Variants in PAN2 observed in about 807,000 individuals in gnomAD.
PAN2 encodes the protein poly(A) specific ribonuclease subunit PAN2, also known as PAN2-PAN3 deadenylation complex catalytic subunit PAN2.
PAN2 carries 68 observed loss-of-function variants against 133.3 expected under a neutral mutation model. That is an observed-to-expected ratio of 0.51 (90% confidence interval 0.42 to 0.62). PAN2 has a LOEUF of 0.62. Among genes scored for constraint, PAN2 ranks in the 20% least tolerant of loss-of-function variants. The probability of loss-of-function intolerance (pLI) is 0.00; values close to 1 mark genes in which losing one functional copy is unlikely to be tolerated. For synonymous variants in PAN2, 462 were observed against 544.6 expected (o/e 0.85, Z 2.11); for missense variants, 1,042 against 1,500.5 (o/e 0.69, Z 5.05).
At chr12:56,327,066 A>C in intron 6 of PAN2, 107 bp from the exon 7 acceptor site, 1 of 944,108 alleles carries the variant, frequency 1.1e-6, no homozygotes, top group Non-Finnish European at 1.6e-6. Flanking sequence ...TGGGCCCCAA[A>C]TCCATGCCTA....
intron 5 of PAN2, 38 bp from the exon 6 acceptor site, chr12:56,327,669 A>G: frequency 6.2e-7 from 1 of 1,605,928 alleles, no homozygotes; most frequent in Non-Finnish European, 8.5e-7. Flanking sequence ...AAATTCTGTT[A>G]TCAGGAAAAA....
At chr12:56,332,789 C>T (rs1876066809) in intron 2 of PAN2, 24 bp downstream of exon 2, 3 of 1,607,180 alleles carry the variant, frequency 1.9e-6, no homozygotes, top group African/African-American at 1.3e-5. Context: ...TCTTTCAACC[C>T]TCACAAAGGG....
rs747252991 is a variant in PAN2 at position 56,325,003 on chromosome 12, C to T, written c.1599+6G>A. On this transcript the variant is annotated splice_donor_region_variant and intron_variant, in intron 10 of 25. Coordinates refer to ENST00000440411, the MANE Select transcript of PAN2 (RefSeq NM_014871.6). ...CGTTCAAGTTACAGGAATACCCAAC[C>T]CTTACCTGGATCATGCAGTTACAGT... is the stretch of plus-strand genomic sequence containing the variant. 10 of 1,613,842 alleles carry T rather than the reference C, an allele frequency of 6.2e-6. No individual in the cohort carries two copies. The highest frequency in any genetic ancestry group is 8.5e-6 in the Non-Finnish European group (10 of 1,179,842).
intron 14 of PAN2, 95 bp from the exon 15 acceptor site, chr12:56,323,693 C>T (rs1461251928): frequency 1.4e-6 from 2 of 1,399,928 alleles, no homozygotes; most frequent in Non-Finnish European, 2.0e-6. Context: ...TGGGATTCCT[C>T]ACTCCACCAG....
rs1325077461 is a variant in PAN2, at chr12:56,324,164, G to A, written c.1950C>T (p.Asp650=). 4 of 1,614,004 alleles carry A rather than the reference G, an allele frequency of 2.5e-6. No homozygotes were observed. The highest frequency in any genetic ancestry group is 1.7e-5 in the Admixed American group (1 of 60,026). Residue 650 remains aspartate (D), a synonymous_variant, in exon 13 of 26, where the codon GAC becomes GAT. Transcript: ENST00000440411. ...AGCTGAAGAGCTGCCCAATAACAGA[G>A]TCCCCCGATGAGCAAAAGCTGCTAA... ...AGGSSFCSSG[D]SVIGQLFSCE... is the part of the protein sequence containing the mutation.
At chr12:56,322,511 G>A (rs781468618) in intron 18 of PAN2, 29 bp from the exon 19 acceptor site, 47 of 1,610,900 alleles carry the variant, frequency 2.9e-5, no homozygotes, top group Middle Eastern at 1.7e-4. Context: ...AGCCTGTGGC[G>A]ATACAAATTG....
rs1184615217 is a variant in PAN2 at position 56,326,332 on chromosome 12, C to T, written c.1340G>A (p.Arg447His). 13 of 1,602,538 alleles carry T rather than the reference C, an allele frequency of 8.1e-6. No individual in the cohort carries two copies. Among genetic ancestry groups the T allele is most frequent in the East Asian group, 2.2e-5 (1 of 44,612 alleles). The change falls in exon 8 of 26, where the codon CGC becomes CAC. Residue 447 changes from arginine to histidine, a missense_variant. By Grantham distance (29) the Arg-to-His change is conservative. Coordinates refer to ENST00000440411, the MANE Select transcript of PAN2 (RefSeq NM_014871.6). ...ACACACCTGATTGCGCAGCCTGGTG[C>T]GGGGATTGGGCGCATAGCCAATGAA... is the stretch of plus-strand genomic sequence containing the variant. ...VGFIGYAPNPRTRLRNQIPYR... is the reference protein window; with the variant it reads ...VGFIGYAPNPHTRLRNQIPYR...
Position 56,324,119 on chromosome 12 carries a change from G to T in PAN2, c.1995C>A (p.Ser665Arg). ...QLFSCEMENC[S>R]LCRCGSETVR... ...CGGTCTCACTGCCACAGCGGCAGAG[G>T]CTGCAGTTCTCCATCTCACAGCTGA... Residue 665 changes from serine to arginine, a missense_variant, in exon 13 of 26, where the codon AGC becomes AGA. By Grantham distance (110) the Ser-to-Arg change is moderately radical. Coordinates refer to ENST00000440411, the MANE Select transcript of PAN2 (RefSeq NM_014871.6). 6.2e-7 allele frequency: 1 copy of T among 1,614,112 alleles called. No individual in the cohort carries two copies. The highest frequency in any genetic ancestry group is 1.6e-4 in the Middle Eastern group (1 of 6,062).
intron 2 of PAN2, among the ~76,000 whole-genome samples, chr12:56,330,096 A>C (rs1199124752): frequency 6.6e-6 from 1 of 152,096 alleles, no homozygotes; most frequent in Non-Finnish European, 1.5e-5. Flanking sequence ...TAGAATAGTA[A>C]AGGAGAGGCA....
chr12:56,325,071 T>C lies in PAN2; in HGVS notation c.1537A>G (p.Lys513Glu). The C allele has an allele frequency of 6.2e-7, 1 of 1,613,946 alleles. No homozygotes were observed. The highest frequency in any genetic ancestry group is 8.5e-7 in the Non-Finnish European group (1 of 1,179,868). ...LEDFDFKHYNKTLFAGLEPHI... is the reference protein window; with the variant it reads ...LEDFDFKHYNETLFAGLEPHI... ...GGCTCTAATCCAGCAAACAAGGTCTTATTGTAGTGTTTGAAGTCAAAGTCC... is the reference window on the plus strand; with the variant it reads ...GGCTCTAATCCAGCAAACAAGGTCTCATTGTAGTGTTTGAAGTCAAAGTCC... Residue 513 changes from lysine (K) to glutamate (E), a missense_variant, in exon 10 of 26, where the codon AAG becomes GAG. This residue lies in a region of PAN2 where 908 missense variants were observed against 1,223.5 expected (regional missense o/e 0.74). Transcript: ENST00000440411.
rs968644142 is a variant in PAN2, at chr12:56,322,234, C to T, written c.2698-66G>A. 20 of 1,175,092 alleles carry T rather than the reference C, an allele frequency of 1.7e-5. No individual in the cohort carries two copies. In the East Asian group the frequency reaches 2.6e-4, roughly 15 times the overall value. 72.8% of individuals were successfully genotyped at this position (1,175,092 alleles called of 1,614,324 possible). A position where few individuals can be genotyped will look rare whatever the true frequency, so the allele number is the denominator to read the frequency against. On this transcript the variant is annotated intron_variant, in intron 19 of 25. Coordinates refer to ENST00000440411, the MANE Select transcript of PAN2 (RefSeq NM_014871.6). Reference sequence around the variant, plus strand: ...CCTTTTCCTTTTCCCCCACTTCAGACGGAGGCCAGGACTCAGGTGCTAGTT... The same window carrying T: ...CCTTTTCCTTTTCCCCCACTTCAGATGGAGGCCAGGACTCAGGTGCTAGTT...
At chr12:56,326,135 C>G (rs1875094737) in intron 8 of PAN2, among the ~76,000 whole-genome samples, 178 bp downstream of exon 8, 1 of 152,228 alleles carries the variant, frequency 6.6e-6, no homozygotes, top group African/African-American at 2.4e-5. Flanking sequence ...TACTAAACTT[C>G]CTAACAGCAA....
intron 24 of PAN2, chr12:56,318,648 T>C (rs542610441): frequency 8.4e-5 from 46 of 546,168 alleles, no homozygotes; most frequent in South Asian, 2.9e-4. Context: ...ACTCCCATTT[T>C]GTCCTCTAAC....
Position 56,333,998 on chromosome 12 carries a change from G to A in PAN2, c.-251C>T, listed in dbSNP as rs575919125. ...GCCTAGGGCTCAACCTAACCACTACGGCGCCAAGGACCGGGGTCCGAGGCG... is the reference window on the plus strand; with the variant it reads ...GCCTAGGGCTCAACCTAACCACTACAGCGCCAAGGACCGGGGTCCGAGGCG... On this transcript the variant is annotated 5_prime_UTR_variant, in exon 1 of 26. Transcript: ENST00000440411. 1 of 152,144 alleles carries A rather than the reference G, an allele frequency of 6.6e-6. No homozygotes were observed. The highest frequency in any genetic ancestry group is 2.1e-4 in the South Asian group (1 of 4,820). The allele number at this position is 152,144 out of a possible 1,614,324, so 9.4% of individuals were successfully genotyped here.
At position 56,319,084 on chromosome 12, in the gene PAN2, T is replaced by C; in HGVS notation, c.3364+4A>G. 6.2e-7 allele frequency: 1 copy of C among 1,613,968 alleles called. No homozygotes were observed. Among genetic ancestry groups the C allele is most frequent in the South Asian group, 1.1e-5 (1 of 91,080 alleles). On this transcript the variant is annotated splice_donor_region_variant and intron_variant, in intron 24 of 25. Coordinates refer to ENST00000440411, the MANE Select transcript of PAN2 (RefSeq NM_014871.6). The surrounding 1 kb of genome is among the most constrained non-coding windows in gnomAD (Gnocchi z 5.4). Reference sequence around the variant, plus strand: ...GCAGGGGCCTACAAGGCAGAGCAACTCACCCAGAAAGTACCAAGCAAGGAA... The same window carrying C: ...GCAGGGGCCTACAAGGCAGAGCAACCCACCCAGAAAGTACCAAGCAAGGAA...
At chr12:56,325,253 G>T in intron 9 of PAN2, 82 bp downstream of exon 9, 1 of 1,590,964 alleles carries the variant, frequency 6.3e-7, no homozygotes, top group Non-Finnish European at 8.6e-7. Flanking sequence ...CCTCCTGACT[G>T]AGTCCTTCAA....
At position 56,324,202 on chromosome 12, in the gene PAN2, T is replaced by G. The variant is rs549045412; in HGVS notation, c.1929-17A>C. 1 of 1,613,294 alleles carries G rather than the reference T, an allele frequency of 6.2e-7. No homozygotes were observed. The highest frequency in any genetic ancestry group is 1.1e-5 in the South Asian group (1 of 91,062). ...CAAAAGCTGCTAAGAGTGGAGAGGA[T>G]GATATATGCACATTGAGGAAGTTAG... On this transcript the variant is annotated splice_polypyrimidine_tract_variant and intron_variant, in intron 12 of 25. Coordinates refer to ENST00000440411, the MANE Select transcript of PAN2 (RefSeq NM_014871.6).
Position 56,327,748 on chromosome 12 carries a change from A to G in PAN2, c.652-117T>C, listed in dbSNP as rs1167327762. On this transcript the variant is annotated intron_variant, in intron 5 of 25. Transcript: ENST00000440411. Reference sequence around the variant, plus strand: ...CTAGGGCTTTAGGACAGGGAAAGTTAAAGCACAGAAAAGGCAAACAGAGAA... The same window carrying G: ...CTAGGGCTTTAGGACAGGGAAAGTTGAAGCACAGAAAAGGCAAACAGAGAA... 26 of 1,304,206 alleles carry G rather than the reference A, an allele frequency of 2.0e-5. No individual in the cohort carries two copies. In the East Asian group the frequency reaches 6.3e-4, roughly 32 times the overall value. 80.8% of individuals were successfully genotyped at this position (1,304,206 alleles called of 1,614,324 possible).
Position 56,323,171 on chromosome 12 carries a change from G to A in PAN2, c.2384C>T (p.Pro795Leu), listed in dbSNP as rs61761600. Reference sequence around the variant, plus strand: ...GACGTTCTTCAACTCCTCAATGGAGGGACACACCAGCACACCCTCTGGACT... The same window carrying A: ...GACGTTCTTCAACTCCTCAATGGAGAGACACACCAGCACACCCTCTGGACT... ...LGSPEGVLVC[P>L]SIEELKNVWL... The change falls in exon 17 of 26, where the codon CCC (proline) becomes CTC (leucine). Residue 795 changes from proline (P) to leucine (L), a missense_variant. Transcript: ENST00000440411. The A allele has an allele frequency of 3.2e-4, 513 of 1,613,924 alleles. No individual in the cohort carries two copies. The highest frequency in any genetic ancestry group is 4.2e-4 in the Non-Finnish European group (500 of 1,180,020).
Sources: gnomAD v4.1 joint callset for allele counts (sites outside exome capture counted in the v4.1 genomes callset) on GRCh38, gnomAD v4.1.1 for gene constraint, gnomAD v4.1.1 regional missense constraint, Gnocchi (gnomAD v3.1) non-coding constraint, MANE v1.5 for transcripts, NCBI Gene and HGNC (gene_info 2026-07-23, HGNC 2026-07-21) for gene names.